BEND6: variants seen among roughly 807,000 people sequenced by gnomAD.
BEND6 encodes the protein BEN domain containing 6, also known as BEN domain-containing protein 6.
Under a neutral mutation model 31.8 loss-of-function variants are expected in BEND6, and 24 were observed. That is an observed-to-expected ratio of 0.75 (90% CI 0.55 to 1.06). The LOEUF (loss-of-function observed/expected upper bound fraction) is 1.06. BEND6 is among the 50% of genes least tolerant of loss of function. The pLI is 0.00. For missense variants in BEND6, 294 were observed against 327.4 expected (o/e 0.90, Z 0.79); for synonymous variants, 109 against 114.6 (o/e 0.95, Z 0.31).
chr6:56,964,536 C>A (rs1381932109), intron 1 of BEND6, among the ~76,000 whole-genome samples: 1 of 151,994 alleles, frequency 6.6e-6, no homozygotes, highest in African/African-American at 2.4e-5. Flanking sequence ...GGGGCTTGCC[C>A]TGTTGCCCAC....
chr6:56,995,560 C>G (rs954212923), intron 3 of BEND6, among the ~76,000 whole-genome samples: 9 of 152,194 alleles, frequency 5.9e-5, no homozygotes, highest in Admixed American at 5.9e-4. Flanking sequence ...CATACTCCCC[C>G]TGCAGGTGCT....
At chr6:56,976,019 G>C in intron 1 of BEND6, 1 of 487,130 alleles carries the variant, frequency 2.1e-6, no homozygotes, top group South Asian at 1.7e-5. Context: ...GGGACATTCA[G>C]GGACATTCAA....
Position 57,018,474 on chromosome 6 carries a change from A to G in BEND6, c.766A>G (p.Ile256Val). The change falls in exon 6 of 7, where the codon ATA becomes GTA. Residue 256 changes from isoleucine to valine, a missense_variant. By Grantham distance (29) the Ile-to-Val change is conservative. Coordinates refer to ENST00000370746, the MANE Select transcript of BEND6 (RefSeq NM_152731.3). The stretch of plus-strand genomic sequence containing the variant: ...GGATGATGTTTCAATTAGGAGAATG[A>G]TAGGGCAAAAGCTAAACAACTGTAC... Reference protein sequence around the residue: ...NTDDVSIRRMIGQKLNNCTKK... With the variant: ...NTDDVSIRRMVGQKLNNCTKK... The G allele has an allele frequency of 2.5e-6, 4 of 1,592,412 alleles. No individual in the cohort carries two copies. Among genetic ancestry groups the G allele is most frequent in the Non-Finnish European group, 3.4e-6 (4 of 1,172,894 alleles).
chr6:57,007,656 A>G (rs1329822902), intron 3 of BEND6, among the ~76,000 whole-genome samples: 1 of 152,080 alleles, frequency 6.6e-6, no homozygotes, highest in Non-Finnish European at 1.5e-5. Flanking sequence ...TGAGCTGGGT[A>G]TGGTGTCTTA....
intron 3 of BEND6, chr6:57,014,579 A>C: frequency 1.5e-6 from 2 of 1,291,014 alleles, no homozygotes; most frequent in Non-Finnish European, 2.1e-6. Context: ...GATTACCAAA[A>C]TTCATCTTTA....
At chr6:57,012,270 A>G (rs1202521182) in intron 3 of BEND6, among the ~76,000 whole-genome samples, 7 of 152,266 alleles carry the variant, frequency 4.6e-5, no homozygotes, top group African/African-American at 1.7e-4. Context: ...TACACACAAC[A>G]TGAATGTCTT....
intron 1 of BEND6, among the ~76,000 whole-genome samples, chr6:56,980,572 A>G (rs1826031753): frequency 6.6e-6 from 1 of 152,234 alleles, no homozygotes; most frequent in South Asian, 2.1e-4. Flanking sequence ...ATTTGACAGT[A>G]TAGTCCTGTG....
At chr6:56,988,652 A>G (rs1290710840) in intron 2 of BEND6, among the ~76,000 whole-genome samples, 1 of 152,134 alleles carries the variant, frequency 6.6e-6, no homozygotes, top group East Asian at 1.9e-4. Flanking sequence ...ATAACTTCCT[A>G]TAGACTCCTC....
At chr6:56,959,572 A>G (rs1015250612) in intron 1 of BEND6, among the ~76,000 whole-genome samples, 8 of 152,206 alleles carry the variant, frequency 5.3e-5, no homozygotes, top group Admixed American at 2.6e-4. Flanking sequence ...TAAAGGAGCT[A>G]TATCATCTGG....
chr6:57,013,312 G>A (rs1490338322), intron 3 of BEND6, among the ~76,000 whole-genome samples: 1 of 152,156 alleles, frequency 6.6e-6, no homozygotes, highest in Non-Finnish European at 1.5e-5. Context: ...AAGAAAGAGG[G>A]CAGAGTCTGG....
At chr6:56,973,868 CT>C (rs1825780011) in intron 1 of BEND6, among the ~76,000 whole-genome samples, 1 of 152,204 alleles carries the variant, frequency 6.6e-6, no homozygotes, top group African/African-American at 2.4e-5. Flanking sequence ...ATCCTCCCAC[CT>C]CAGCCTCCTG....
intron 3 of BEND6, among the ~76,000 whole-genome samples, chr6:57,001,158 T>TTC (rs1283172784): frequency 4.4e-5 from 4 of 91,814 alleles, no homozygotes; most frequent in African/African-American, 7.3e-5. Context: ...AAAAAGTCTT[T>TTC]TTTTTTTTTT....
intron 1 of BEND6, among the ~76,000 whole-genome samples, chr6:56,967,319 A>G (rs1046325365): frequency 1.8e-4 from 27 of 152,198 alleles, no homozygotes; most frequent in African/African-American, 6.5e-4. Flanking sequence ...AGGGCTAGTC[A>G]TAGTGGAAAT....
intron 3 of BEND6, chr6:57,014,422 A>C: frequency 7.7e-7 from 1 of 1,297,110 alleles, no homozygotes. Flanking sequence ...ACAAGGTTCA[A>C]GATCTCTTCC....
chr6:56,998,582 T>C (rs1826812438), intron 3 of BEND6, among the ~76,000 whole-genome samples: 1 of 152,100 alleles, frequency 6.6e-6, no homozygotes, highest in South Asian at 2.1e-4. Flanking sequence ...AATGAGATTT[T>C]AGTAAAGAAT....
chr6:57,011,865 C>A (rs997016027), intron 3 of BEND6, among the ~76,000 whole-genome samples: 2 of 151,786 alleles, frequency 1.3e-5, no homozygotes, highest in Non-Finnish European at 2.9e-5. Context: ...GTGGCTCACG[C>A]CTGTAATCCC....
intron 1 of BEND6, among the ~76,000 whole-genome samples, chr6:56,977,446 G>A (rs540690104): frequency 4.6e-5 from 7 of 152,224 alleles, no homozygotes; most frequent in Non-Finnish European, 8.8e-5. Context: ...AACCTGAAGT[G>A]GAATCTACTA....
intron 1 of BEND6, among the ~76,000 whole-genome samples, chr6:56,966,698 G>A (rs1472272596): frequency 1.3e-5 from 2 of 152,078 alleles, no homozygotes; most frequent in Non-Finnish European, 2.9e-5. Context: ...TCTTCTTCGT[G>A]AACACATCAA....
chr6:57,008,552 A>AACTT (rs1446337657), intron 3 of BEND6: 8 of 288,482 alleles, frequency 2.8e-5, no homozygotes, highest in Non-Finnish European at 1.3e-5. Flanking sequence ...TGGGTGACAG[A>AACTT]CACAGACACC....
Sources: gnomAD v4.1 joint callset for allele counts (sites outside exome capture counted in the v4.1 genomes callset) on GRCh38, gnomAD v4.1.1 for gene constraint, MANE v1.5 for transcripts, NCBI Gene and HGNC (gene_info 2026-07-23, HGNC 2026-07-21) for gene names.